The following VPS39 variants were observed in gnomAD, a reference collection of about 807,000 sequenced individuals.
VPS39 encodes VPS39 subunit of HOPS complex.
A neutral mutation model predicts 121.0 loss-of-function variants in VPS39; 70 were observed. The observed-to-expected ratio is 0.58, with a 90% CI of 0.48 to 0.71. The LOEUF is 0.71. Ranked by LOEUF, VPS39 falls within the 30% of genes least tolerant of loss-of-function variation. The probability of loss-of-function intolerance (pLI) is 0.00; values close to 1 mark genes in which losing one functional copy is unlikely to be tolerated. For missense variants in VPS39, 818 were observed against 1,051.5 expected (o/e 0.78, Z 3.07); for synonymous variants, 378 against 398.1 (o/e 0.95, Z 0.60).
At position 42,164,384 on chromosome 15, in the gene VPS39, C is replaced by T. The variant is rs138571719; in HGVS notation, c.2000G>A (p.Arg667Gln). Residue 667 changes from arginine (R) to glutamine (Q), a missense_variant, in exon 19 of 25, where the codon CGG becomes CAG. By Grantham distance (43) the Arg-to-Gln change is conservative. Coordinates refer to ENST00000318006, the MANE Select transcript of VPS39 (RefSeq NM_015289.5). ...LEISSYYDPG[R>Q]LICDFPFDGL... The stretch of plus-strand genomic sequence containing the variant: ...ATCAAAGGGAAAATCACAGATGAGC[C>T]GGCCTGGATCATAGTAGCTGGAAAT... The T allele has an allele frequency of 4.6e-5, 75 of 1,613,992 alleles. No individual in the cohort carries two copies. The highest frequency in any genetic ancestry group is 1.2e-4 in the African/African-American group (9 of 74,932).
At chr15:42,198,171 TAA>T (rs1298497281) in intron 2 of VPS39, among the ~76,000 whole-genome samples, 2 of 152,212 alleles carry the variant, frequency 1.3e-5, no homozygotes, top group Non-Finnish European at 2.9e-5. Flanking sequence ...ACTTCATTTA[TAA>T]AGTCTTGTTT....
chr15:42,197,802 C>G (rs1291049711), intron 2 of VPS39, among the ~76,000 whole-genome samples: 1 of 152,086 alleles, frequency 6.6e-6, no homozygotes, highest in Non-Finnish European at 1.5e-5. Flanking sequence ...AGACAGTCTA[C>G]CCAAAGACCT....
chr15:42,163,557 T>C, intron 20 of VPS39, 69 bp downstream of exon 20: 1 of 1,534,950 alleles, frequency 6.5e-7, no homozygotes, highest in Non-Finnish European at 9.0e-7. Flanking sequence ...GATGGCCTTC[T>C]TAACTCTCAT....
At chr15:42,204,053 A>G (rs2050119863) in intron 1 of VPS39, among the ~76,000 whole-genome samples, 1 of 152,250 alleles carries the variant, frequency 6.6e-6, no homozygotes, top group Non-Finnish European at 1.5e-5. Flanking sequence ...GCTAGGCCCT[A>G]TTGCTCATAA....
At position 42,203,748 on chromosome 15, in the gene VPS39, A is replaced by G. The variant is rs112574850; in HGVS notation, c.74-3787T>C. Among the ~76,000 whole-genome samples, 138 of 152,354 alleles carry G rather than the reference A, an allele frequency of 9.1e-4. 1 individual carries two copies. Among genetic ancestry groups the G allele is most frequent in the African/African-American group, 2.9e-3 (121 of 41,580 alleles). On this transcript the variant is annotated intron_variant, in intron 1 of 24. Transcript: ENST00000318006. ...GTAAACTTTTAAATCAACCTGATTGATTACATGTGCCATTAGCCAGAGGAC... is the reference window on the plus strand; with the variant it reads ...GTAAACTTTTAAATCAACCTGATTGGTTACATGTGCCATTAGCCAGAGGAC...
intron 7 of VPS39, among the ~76,000 whole-genome samples, chr15:42,184,913 A>G (rs938948132): frequency 2.0e-5 from 3 of 152,250 alleles, no homozygotes; most frequent in Admixed American, 1.3e-4. Flanking sequence ...GGCAACTGAC[A>G]ATGCCAGGTG....
intron 17 of VPS39, chr15:42,165,476 G>T: frequency 2.1e-6 from 1 of 476,366 alleles, no homozygotes; most frequent in Non-Finnish European, 3.7e-6. Flanking sequence ...TCCAAATGTG[G>T]CTTTGGAATT....
chr15:42,205,001 T>G (rs973385412), intron 1 of VPS39, among the ~76,000 whole-genome samples: 1 of 152,136 alleles, frequency 6.6e-6, no homozygotes, highest in Admixed American at 6.5e-5. Flanking sequence ...TTGGAAAAAT[T>G]TCTTAAATTT....
rs1265376801 is a variant in VPS39, at chr15:42,160,504, T to C, written c.*250A>G. ...GTGCACATCCTCCTGACCAAGCAGGTACTGAATTCTCTGGAATTGCCCACA... is the reference window on the plus strand; with the variant it reads ...GTGCACATCCTCCTGACCAAGCAGGCACTGAATTCTCTGGAATTGCCCACA... On this transcript the variant is annotated 3_prime_UTR_variant, in exon 25 of 25. Coordinates refer to ENST00000318006, the MANE Select transcript of VPS39 (RefSeq NM_015289.5). 1 of 500,742 alleles carries C rather than the reference T, an allele frequency of 2.0e-6. No individual in the cohort carries two copies. Among genetic ancestry groups the C allele is most frequent in the Admixed American group, 3.2e-5 (1 of 31,492 alleles). The allele number at this position is 500,742 out of a possible 1,614,324, so 31.0% of individuals were successfully genotyped here. A position where few individuals can be genotyped will look rare whatever the true frequency, so the allele number is the denominator to read the frequency against.
chr15:42,179,623 A>AAATAAAT (rs1248943349), intron 8 of VPS39, among the ~76,000 whole-genome samples: 2 of 141,560 alleles, frequency 1.4e-5, no homozygotes, highest in African/African-American at 2.6e-5. Flanking sequence ...ATAAATAAAT[A>AAATAAAT]AAATAAAAAA....
At chr15:42,169,983 AGACTCTCAGTTCAT>A in intron 11 of VPS39, 117 bp from the exon 12 acceptor site, 1 of 1,086,128 alleles carries the variant, frequency 9.2e-7, no homozygotes, top group Non-Finnish European at 1.3e-6. Context: ...AAAAAAAAAA[AGACTCTCAGTTCAT>A]AAACATTCAA....
rs2049185124 is a variant in VPS39 at position 42,163,692 on chromosome 15, A to G, written c.2063T>C (p.Met688Thr). Residue 688 changes from methionine to threonine, a missense_variant, in exon 20 of 25, where the codon ATG becomes ACG. By Grantham distance (81) the Met-to-Thr change is moderately conservative. Coordinates refer to ENST00000318006, the MANE Select transcript of VPS39 (RefSeq NM_015289.5). ...GAAAAGAGCTTGTTCATGTTTCCCC[A>G]TGCGCCCCAACAGGAGAGCTCGTTC... ...LEERALLLGR[M>T]GKHEQALFIY... The G allele has an allele frequency of 6.2e-7, 1 of 1,613,880 alleles. No individual in the cohort carries two copies. The highest frequency in any genetic ancestry group is 1.1e-5 in the South Asian group (1 of 90,988).
At chr15:42,202,541 A>T (rs895487469) in intron 1 of VPS39, among the ~76,000 whole-genome samples, 1 of 152,260 alleles carries the variant, frequency 6.6e-6, no homozygotes, top group African/African-American at 2.4e-5. Flanking sequence ...GATATAAATA[A>T]AATGAAGTGG....
chr15:42,205,376 T>G (rs1372777454), intron 1 of VPS39, among the ~76,000 whole-genome samples: 1 of 152,096 alleles, frequency 6.6e-6, no homozygotes, highest in Non-Finnish European at 1.5e-5. Context: ...TTTTGCTGAT[T>G]TGGGTGACAT....
Position 42,208,284 on chromosome 15 carries a change from A to T in VPS39, c.-131T>A, listed in dbSNP as rs1020296477. 6 of 1,202,464 alleles carry T rather than the reference A, an allele frequency of 5.0e-6. No individual in the cohort carries two copies. The highest frequency in any genetic ancestry group is 1.5e-5 in the African/African-American group (1 of 65,694). 74.5% of individuals were successfully genotyped at this position (1,202,464 alleles called of 1,614,324 possible). ...ACCCCCCGGCTACAGGCCCTTCAACAACACAGCCATCGTCAACCCCGGACT... is the reference window on the plus strand; with the variant it reads ...ACCCCCCGGCTACAGGCCCTTCAACTACACAGCCATCGTCAACCCCGGACT... On this transcript the variant is annotated 5_prime_UTR_variant, in exon 1 of 25. The change creates a premature stop within an existing upstream ORF in the 5' untranslated region. Transcript: ENST00000318006.
chr15:42,193,851 T>C (rs981969249), intron 2 of VPS39, among the ~76,000 whole-genome samples: 6 of 120,870 alleles, frequency 5.0e-5, no homozygotes, highest in African/African-American at 1.6e-4. Flanking sequence ...CCTTTGTTCA[T>C]AAAAAAAAAA....
intron 2 of VPS39, among the ~76,000 whole-genome samples, chr15:42,194,587 TCTGGGCATG>T (rs1422479929): frequency 6.6e-6 from 1 of 151,944 alleles, no homozygotes; most frequent in Non-Finnish European, 1.5e-5. Context: ...GAAAAAACTA[TCTGGGCATG>T]CTGGTGTGTG....
At chr15:42,161,173 T>A (rs1218236639) in intron 24 of VPS39, 1 of 347,126 alleles carries the variant, frequency 2.9e-6, no homozygotes, top group Admixed American at 4.2e-5. Flanking sequence ...TCAGGCTAAT[T>A]CTGAAAAGGA....
At chr15:42,166,342 A>G (rs936853522) in intron 15 of VPS39, 110 bp from the exon 16 acceptor site, 3 of 1,255,248 alleles carry the variant, frequency 2.4e-6, no homozygotes, top group African/African-American at 3.0e-5. Context: ...AAGACAGCTC[A>G]AGCATGAGCC....
Sources: gnomAD v4.1 joint callset for allele counts (sites outside exome capture counted in the v4.1 genomes callset) on GRCh38, gnomAD v4.1.1 for gene constraint, MANE v1.5 for transcripts, NCBI Gene and HGNC (gene_info 2026-07-23, HGNC 2026-07-21) for gene names.